Variants in ZFHX3 observed in about 807,000 individuals in gnomAD.
ZFHX3 encodes zinc finger homeobox 3, also known as zinc finger homeobox protein 3.
A neutral mutation model predicts 279.1 loss-of-function variants in ZFHX3; 42 were observed. The ratio of observed to expected loss-of-function variants is 0.15; its 90% CI spans 0.12 to 0.19. ZFHX3 has a LOEUF of 0.19. Among genes scored for constraint, ZFHX3 ranks in the 10% least tolerant of loss-of-function variants. The pLI, the probability that ZFHX3 is intolerant of heterozygous loss-of-function variation, is 1.00. For synonymous variants in ZFHX3, 2,293 were observed against 1,957.8 expected (o/e 1.17, Z -4.52); for missense variants, 4,981 against 4,754.0 (o/e 1.05, Z -1.40).
intron 1 of ZFHX3, among the ~76,000 whole-genome samples, chr16:73,016,737 G>C (rs1039226256): frequency 2.6e-5 from 4 of 151,958 alleles, no homozygotes; most frequent in South Asian, 2.1e-4. Context: ...CAGCCTCTCT[G>C]TAACCTCTGG....
chr16:73,544,379 A>G (rs922255979), intron 2 of ZFHX3, among the ~76,000 whole-genome samples: 49 of 152,086 alleles, frequency 3.2e-4, no homozygotes, highest in African/African-American at 1.2e-3. Context: ...TTCATTAGTC[A>G]CGTTTAAAAG....
At chr16:73,494,906 A>C (rs2019114549) in intron 2 of ZFHX3, among the ~76,000 whole-genome samples, 1 of 151,978 alleles carries the variant, frequency 6.6e-6, no homozygotes, top group Non-Finnish European at 1.5e-5. Context: ...GCACTGATAC[A>C]AGTTCCACTC....
chr16:73,576,558 C>G (rs1263499463), intron 2 of ZFHX3, among the ~76,000 whole-genome samples: 1 of 152,164 alleles, frequency 6.6e-6, no homozygotes, highest in Middle Eastern at 3.4e-3. Context: ...TAGACACGCA[C>G]GGAAGTAAAA....
intron 1 of ZFHX3, among the ~76,000 whole-genome samples, chr16:73,853,502 A>T (rs2142382053): frequency 6.6e-6 from 1 of 152,328 alleles, no homozygotes; most frequent in East Asian, 1.9e-4. Context: ...AGAGCCATAA[A>T]AAAGAATAAA....
At position 72,889,873 on chromosome 16, in the gene ZFHX3, G is replaced by A. The variant is rs770712026; in HGVS notation, c.3306C>T (p.Asn1102=). The change falls in exon 4 of 10, where the codon AAC becomes AAT. Residue 1102 remains asparagine, a synonymous_variant. Transcript: ENST00000268489. The stretch of plus-strand genomic sequence containing the variant: ...TCATGGAGCGCACATGCTGGATGAG[G>A]TTGAGCTTGGCCTTGGTGGAGTAGT... ...LCNYSTKAKL[N]LIQHVRSMKH... The A allele has an allele frequency of 3.1e-6, 5 of 1,614,094 alleles. No individual in the cohort carries two copies. Among genetic ancestry groups the A allele is most frequent in the African/African-American group, 2.7e-5 (2 of 74,960 alleles).
At chr16:73,772,547 G>A (rs1471590878) in intron 1 of ZFHX3, among the ~76,000 whole-genome samples, 6 of 152,182 alleles carry the variant, frequency 3.9e-5, no homozygotes, top group African/African-American at 1.2e-4. Flanking sequence ...TGCATACCTC[G>A]TTTGGGTGGT....
At chr16:73,071,563 G>C (rs1345815779) in intron 8 of ZFHX3, among the ~76,000 whole-genome samples, 1 of 152,146 alleles carries the variant, frequency 6.6e-6, no homozygotes, top group African/African-American at 2.4e-5. Context: ...CTGAGACCCG[G>C]GGAGCTGGGA....
chr16:73,608,362 T>G (rs983645406), intron 2 of ZFHX3, among the ~76,000 whole-genome samples: 1 of 152,230 alleles, frequency 6.6e-6, no homozygotes, highest in Non-Finnish European at 1.5e-5. Context: ...AACTCACACT[T>G]GGCTTAATAT....
intron 3 of ZFHX3, among the ~76,000 whole-genome samples, chr16:72,894,075 G>A (rs2038836146): frequency 6.6e-6 from 1 of 151,850 alleles, no homozygotes; most frequent in South Asian, 2.1e-4. Flanking sequence ...CTTGAACCTG[G>A]GAGGCAGAGG....
At chr16:72,921,322 C>T (rs929684911) in intron 3 of ZFHX3, among the ~76,000 whole-genome samples, 15 of 152,310 alleles carry the variant, frequency 9.8e-5, no homozygotes, top group African/African-American at 3.4e-4. Flanking sequence ...GAAATGTGAT[C>T]GTGGTTACTT....
intron 1 of ZFHX3, among the ~76,000 whole-genome samples, chr16:73,714,363 A>T (rs1829627921): frequency 6.6e-6 from 1 of 152,068 alleles, no homozygotes; most frequent in Non-Finnish European, 1.5e-5. Context: ...CTTGGAAAGG[A>T]CACATCTCCA....
At chr16:73,058,443 G>C (rs1597141643) in intron 1 of ZFHX3, 2 of 181,378 alleles carry the variant, frequency 1.1e-5, no homozygotes, top group East Asian at 2.6e-4. Flanking sequence ...GAGGAGCCCC[G>C]CGTCCGGGCG....
At chr16:73,008,102 C>G (rs950682429) in intron 1 of ZFHX3, among the ~76,000 whole-genome samples, 2 of 152,032 alleles carry the variant, frequency 1.3e-5, no homozygotes, top group Non-Finnish European at 2.9e-5. Flanking sequence ...TCACTTTTAT[C>G]TTACAATTCT....
rs568573140 is a variant in ZFHX3, at chr16:73,754,469, G to T, written c.-1607-74229C>A. 3.3e-5 allele frequency among the ~76,000 whole-genome samples: 5 copies of T among 152,192 alleles called. No homozygotes were observed. The East Asian group carries it at 9.7e-4, about 29-fold the overall frequency. The stretch of plus-strand genomic sequence containing the variant: ...GCAGGTACCTCTCTGGTACCCCCGA[G>T]AATCATGGCATACACCAGCATCTTT... On this transcript the variant is annotated intron_variant, in intron 1 of 17. Coordinates refer to the ZFHX3 transcript ENST00000641206.
intron 3 of ZFHX3, among the ~76,000 whole-genome samples, chr16:72,894,597 G>A (rs560554621): frequency 2.6e-5 from 4 of 152,330 alleles, no homozygotes; most frequent in Non-Finnish European, 5.9e-5. Context: ...CTTCCCCGCA[G>A]AAGGGAGTGG....
chr16:73,000,177 A>C (rs1963442115), intron 1 of ZFHX3, among the ~76,000 whole-genome samples: 1 of 152,182 alleles, frequency 6.6e-6, no homozygotes, highest in Non-Finnish European at 1.5e-5. Flanking sequence ...CTGTCTGTCA[A>C]CACCAGGCTC....
intron 4 of ZFHX3, among the ~76,000 whole-genome samples, chr16:73,281,605 T>A (rs1439977630): frequency 6.6e-6 from 1 of 152,170 alleles, no homozygotes; most frequent in African/African-American, 2.4e-5. Context: ...AGAGGGTACA[T>A]CTTACGTTAA....
rs143264844 is a variant in ZFHX3, at chr16:73,157,784, C to T, written c.-1103-13953G>A. Among the ~76,000 whole-genome samples the T allele has an allele frequency of 1.4e-3, 206 of 152,248 alleles. 1 individual carries two copies. The highest frequency in any genetic ancestry group is 4.5e-3 in the African/African-American group (185 of 41,556). On this transcript the variant is annotated intron_variant, in intron 5 of 17. Transcript: ENST00000641206. ...TATTTAGTTAGTTGGCTTTTTATAA[C>T]GCCACGAGGTTTGCTGTGGGCTGCC...
At chr16:73,500,011 T>C (rs550603670) in intron 2 of ZFHX3, 75 of 152,380 alleles carry the variant, frequency 4.9e-4, no homozygotes, top group African/African-American at 1.8e-3. Flanking sequence ...TACTTGATAA[T>C]GGTAATAGTG....
Sources: allele counts gnomAD v4.1 joint callset (sites outside exome capture counted in the v4.1 genomes callset), GRCh38; gene constraint gnomAD v4.1.1; transcripts MANE v1.5; gene names NCBI Gene and HGNC (gene_info 2026-07-23, HGNC 2026-07-21).